PCNX2: variants seen among roughly 807,000 people sequenced by gnomAD.
PCNX2 encodes the protein pecanex-like protein 2.
PCNX2 carries 168 observed loss-of-function variants against 223.8 expected under a neutral mutation model. The observed-to-expected ratio is 0.75, with a 90% CI of 0.66 to 0.85. PCNX2 has a LOEUF of 0.85. PCNX2 is among the 40% of genes least tolerant of loss of function. The probability of loss-of-function intolerance (pLI) is 0.00; values close to 1 mark genes in which losing one functional copy is unlikely to be tolerated. For missense variants in PCNX2, 2,507 were observed against 2,675.5 expected (o/e 0.94, Z 1.39); for synonymous variants, 1,006 against 1,052.6 (o/e 0.96, Z 0.86).
intron 31 of PCNX2, 100 bp from the exon 32 acceptor site, chr1:232,998,538 G>T: frequency 7.4e-7 from 1 of 1,353,396 alleles, no homozygotes. Context: ...CGAAGAGCGT[G>T]CTCTCCAGGT....
At chr1:233,231,103 A>C (rs969082405) in intron 9 of PCNX2, among the ~76,000 whole-genome samples, 4 of 152,206 alleles carry the variant, frequency 2.6e-5, no homozygotes, top group Non-Finnish European at 5.9e-5. Context: ...CTGAGAGATT[A>C]GGCCACTGGC....
At chr1:233,064,709 T>C (rs1236196269) in intron 23 of PCNX2, among the ~76,000 whole-genome samples, 1 of 152,188 alleles carries the variant, frequency 6.6e-6, no homozygotes, top group Non-Finnish European at 1.5e-5. Flanking sequence ...TCCAACTTTA[T>C]TATTATGCTC....
chr1:233,238,153 G>C (rs1658531941), intron 8 of PCNX2, among the ~76,000 whole-genome samples: 1 of 152,160 alleles, frequency 6.6e-6, no homozygotes, highest in Non-Finnish European at 1.5e-5. Flanking sequence ...CTTGTGTTCT[G>C]GCATAATACA....
intron 19 of PCNX2, among the ~76,000 whole-genome samples, chr1:233,152,381 A>G (rs1236569982): frequency 6.6e-6 from 1 of 152,150 alleles, no homozygotes. Flanking sequence ...AGAGTTTTCC[A>G]AGTCTCTAAC....
chr1:233,288,808 T>C (rs1392451423), intron 1 of PCNX2: 5 of 331,886 alleles, frequency 1.5e-5, no homozygotes, highest in Non-Finnish European at 2.0e-5. Flanking sequence ...GATGCCCTTT[T>C]TTTTTTTTTT....
At chr1:233,112,921 T>C (rs778631203) in intron 21 of PCNX2, 1 of 1,289,314 alleles carries the variant, frequency 7.8e-7, no homozygotes, top group South Asian at 1.2e-5. Flanking sequence ...GTAACTTGCA[T>C]GGTTTGAGTT....
At chr1:233,184,672 T>C (rs1679990599) in intron 15 of PCNX2, among the ~76,000 whole-genome samples, 1 of 152,184 alleles carries the variant, frequency 6.6e-6, no homozygotes, top group African/African-American at 2.4e-5. Flanking sequence ...GAAGTCTGTA[T>C]TCATTCTTCC....
chr1:233,278,625 G>T (rs892667088), intron 1 of PCNX2, among the ~76,000 whole-genome samples: 1 of 152,158 alleles, frequency 6.6e-6, no homozygotes, highest in Non-Finnish European at 1.5e-5. Context: ...ATGAGCAAGG[G>T]ACAGGAGTCA....
intron 17 of PCNX2, among the ~76,000 whole-genome samples, chr1:233,175,081 C>T (rs1430310287): frequency 6.6e-6 from 1 of 151,828 alleles, no homozygotes; most frequent in Non-Finnish European, 1.5e-5. Context: ...GGTTCTCATA[C>T]AGACTAAAAC....
intron 10 of PCNX2, among the ~76,000 whole-genome samples, chr1:233,222,120 T>C (rs1275568034): frequency 6.6e-6 from 1 of 152,124 alleles, no homozygotes; most frequent in Non-Finnish European, 1.5e-5. Context: ...ACTGCAAACA[T>C]CTGGGAGACG....
In PCNX2 at chr1:233,236,984, A is replaced by T. The variant is rs544464661; in HGVS notation, c.2223-4T>A. The T allele has an allele frequency of 3.1e-6, 5 of 1,613,760 alleles. No individual in the cohort carries two copies. The South Asian group carries it at 5.5e-5, about 18-fold the overall frequency. On this transcript the variant is annotated splice_polypyrimidine_tract_variant and splice_region_variant and intron_variant, in intron 8 of 33. Coordinates refer to ENST00000258229, the MANE Select transcript of PCNX2 (RefSeq NM_014801.4). ...GGAGGAGCTGACCTGCATCTCTCTG[A>T]GGATGGGCAAAACAAAAGCTTTGGT...
At chr1:233,225,722 G>A (rs1382570773) in intron 10 of PCNX2, among the ~76,000 whole-genome samples, 1 of 152,064 alleles carries the variant, frequency 6.6e-6, no homozygotes, top group Non-Finnish European at 1.5e-5. Context: ...ATTTATTTTT[G>A]TTTTGACATG....
At chr1:233,263,670 G>A (rs1572172613) in intron 1 of PCNX2, among the ~76,000 whole-genome samples, 1 of 151,968 alleles carries the variant, frequency 6.6e-6, no homozygotes, top group African/African-American at 2.4e-5. Flanking sequence ...TGGCCAGGCT[G>A]GTCTCGAACT....
intron 19 of PCNX2, among the ~76,000 whole-genome samples, chr1:233,152,950 A>C (rs1030657222): frequency 6.6e-6 from 1 of 152,236 alleles, no homozygotes; most frequent in Non-Finnish European, 1.5e-5. Context: ...GGCGAAGCAC[A>C]CTTAATATGC....
intron 25 of PCNX2, among the ~76,000 whole-genome samples, chr1:233,040,038 G>A (rs1187415455): frequency 6.6e-6 from 1 of 152,208 alleles, no homozygotes; most frequent in Non-Finnish European, 1.5e-5. Flanking sequence ...ACTGAGAAAT[G>A]AGTAAGTTGA....
chr1:233,232,219 T>C (rs1410838792), intron 9 of PCNX2, among the ~76,000 whole-genome samples: 4 of 152,246 alleles, frequency 2.6e-5, no homozygotes. Flanking sequence ...GTTCAACTTA[T>C]GATTTTTTAA....
At chr1:233,276,698 C>T (rs142931245) in intron 1 of PCNX2, among the ~76,000 whole-genome samples, 193 of 152,280 alleles carry the variant, frequency 1.3e-3, no homozygotes, top group African/African-American at 4.0e-3. Context: ...ATCCATGCAA[C>T]GTGTTCACTG....
At chr1:233,100,321 G>A (rs1674413393) in intron 21 of PCNX2, among the ~76,000 whole-genome samples, 1 of 150,762 alleles carries the variant, frequency 6.6e-6, no homozygotes, top group African/African-American at 2.4e-5. Flanking sequence ...AGGAGGCTGA[G>A]GCAGAAGAAT....
intron 25 of PCNX2, chr1:233,031,945 A>T (rs1261389966): frequency 2.5e-5 from 25 of 985,160 alleles, no homozygotes; most frequent in Non-Finnish European, 2.9e-5. Flanking sequence ...TGCTCTGCAC[A>T]CTGGGACCCT....
Sources: allele counts gnomAD v4.1 joint callset (sites outside exome capture counted in the v4.1 genomes callset), GRCh38; gene constraint gnomAD v4.1.1; transcripts MANE v1.5; gene names NCBI Gene and HGNC (gene_info 2026-07-23, HGNC 2026-07-21).